ADGRE2: variants seen among roughly 807,000 people sequenced by gnomAD.
The protein encoded by ADGRE2 is CD97 antigen.
A neutral mutation model predicts 100.8 loss-of-function variants in ADGRE2; 83 were observed. That is an observed-to-expected ratio of 0.82 (90% CI 0.69 to 0.99). The LOEUF (loss-of-function observed/expected upper bound fraction) is 0.99, where lower values mean the gene tolerates loss of function less well. Ranked by LOEUF, ADGRE2 falls within the 50% of genes least tolerant of loss-of-function variation. The probability of loss-of-function intolerance (pLI) is 0.00; values close to 1 mark genes in which losing one functional copy is unlikely to be tolerated. For synonymous variants in ADGRE2, 355 were observed against 413.0 expected, an observed-to-expected ratio of 0.86 and a Z score of 1.70; for missense variants, 814 against 1,035.7, an observed-to-expected ratio of 0.79 and a Z score of 2.94.
chr19:14,777,845 T>C (rs2044491524), intron 1 of ADGRE2, among the ~76,000 whole-genome samples: 1 of 152,206 alleles, frequency 6.6e-6, no homozygotes. Flanking sequence ...TATAGCTGCA[T>C]AGTATTCCCT....
In ADGRE2 at chr19:14,772,342, C is replaced by T; in HGVS notation, c.355G>A (p.Asp119Asn). The T allele has an allele frequency of 6.2e-7, 1 of 1,614,100 alleles. No individual in the cohort carries two copies. Among genetic ancestry groups the T allele is most frequent in the Non-Finnish European group, 8.5e-7 (1 of 1,180,026 alleles). Residue 119 changes from aspartate to asparagine, a missense_variant and splice_region_variant, in exon 5 of 21, where the codon GAT becomes AAT. Physicochemically the swap from Asp to Asn is conservative, Grantham distance 23. Around this residue, in one of 5 missense-constraint regions of ADGRE2, gnomAD observed 143 missense variants for 160.3 expected, o/e 0.89. Transcript: ENST00000315576. ...FKNESENTCQ[D>N]VDECQQNPRL... ...ATGGAGGATGTGGGGTGGTTCTTAC[C>T]TTGACACGTGTTCTCGCTCTCATTC...
chr19:14,766,165 G>C, intron 7 of ADGRE2, 70 bp downstream of exon 7: 1 of 1,610,734 alleles, frequency 6.2e-7, no homozygotes, highest in Non-Finnish European at 8.5e-7. Flanking sequence ...TGCTTGGTTT[G>C]TGTGGGCGCC....
chr19:14,764,269 A>G (rs1460018299), intron 11 of ADGRE2, among the ~76,000 whole-genome samples, 164 bp downstream of exon 11: 1 of 151,592 alleles, frequency 6.6e-6, no homozygotes, highest in East Asian at 1.9e-4. Context: ...GAGTATTGCC[A>G]TCTTGTCCAG....
chr19:14,728,126 T>C (rs1422617584), downstream of ADGRE2, among the ~76,000 whole-genome samples: 2 of 152,076 alleles, frequency 1.3e-5, no homozygotes, highest in Non-Finnish European at 2.9e-5. Context: ...GGCAGGAGAA[T>C]GGCGTGAGCC....
intron 14 of ADGRE2, 122 bp downstream of exon 14, chr19:14,754,832 A>C: frequency 9.1e-7 from 1 of 1,093,854 alleles, no homozygotes; most frequent in South Asian, 1.6e-5. Context: ...CCATCTTGCT[A>C]TGCCAGCTTG....
At chr19:14,744,477 A>G (rs2043026523) in intron 18 of ADGRE2, among the ~76,000 whole-genome samples, 1 of 151,906 alleles carries the variant, frequency 6.6e-6, no homozygotes, top group Non-Finnish European at 1.5e-5. Context: ...TTTTTTTGAG[A>G]TGGAATCTCC....
chr19:14,751,543 G>A lies in ADGRE2; in HGVS notation c.1917C>T (p.Ile639=), dbSNP rs1267836119. ...RNLTVVNYSS[I]NRFMKKLMFP... ...ACATGAGCTTCTTCATGAATCTGTT[G>A]ATGCTTGAGTAGTTGACCACCGTCA... Residue 639 remains isoleucine, a synonymous_variant, in exon 16 of 21, where the codon ATC becomes ATT. Transcript: ENST00000315576. The A allele has an allele frequency of 6.2e-7, 1 of 1,613,970 alleles. No homozygotes were observed. Among genetic ancestry groups the A allele is most frequent in the Admixed American group, 1.7e-5 (1 of 59,978 alleles).
intron 16 of ADGRE2, among the ~76,000 whole-genome samples, chr19:14,748,994 T>G (rs2043177684): frequency 6.6e-6 from 1 of 151,998 alleles, no homozygotes. Flanking sequence ...TAATCATCCA[T>G]CAATGTAATA....
chr19:14,777,738 T>C (rs1016732255), intron 1 of ADGRE2, among the ~76,000 whole-genome samples: 4 of 139,842 alleles, frequency 2.9e-5, no homozygotes, highest in African/African-American at 1.1e-4. Flanking sequence ...AGTGAGAACA[T>C]GTGGTGTTTG....
rs755527843 is a variant in ADGRE2 at position 14,751,698 on chromosome 19, A to T, written c.1789-27T>A. ...TGGCGGAGAAGTAAAAGACGCCCAG[A>T]GCGGCGATCAGATTTGAGTGTGGCC... On this transcript the variant is annotated intron_variant, in intron 15 of 20. Coordinates refer to ENST00000315576, the MANE Select transcript of ADGRE2 (RefSeq NM_013447.4). 3 of 1,574,790 alleles carry T rather than the reference A, an allele frequency of 1.9e-6. No individual in the cohort carries two copies. In the East Asian group the frequency reaches 6.7e-5, roughly 35 times the overall value.
At chr19:14,747,027 T>G (rs907856253) in intron 16 of ADGRE2, 65 bp from the exon 17 acceptor site, 1 of 1,361,290 alleles carries the variant, frequency 7.3e-7, no homozygotes, top group Non-Finnish European at 1.0e-6. Flanking sequence ...TATGTAAATC[T>G]ATTCCATCCC....
At chr19:14,770,181 A>G (rs1481011698) in intron 5 of ADGRE2, among the ~76,000 whole-genome samples, 1 of 150,792 alleles carries the variant, frequency 6.6e-6, no homozygotes. Context: ...CCTCATGAAC[A>G]TCTCGGTGCT....
chr19:14,771,896 C>T (rs1033100012), intron 5 of ADGRE2: 1 of 159,220 alleles, frequency 6.3e-6, no homozygotes, highest in African/African-American at 2.4e-5. Flanking sequence ...GCCTCGGCCT[C>T]CCAAAGTGCT....
At chr19:14,762,892 T>C (rs2043780307) in intron 11 of ADGRE2, among the ~76,000 whole-genome samples, 1 of 152,016 alleles carries the variant, frequency 6.6e-6, no homozygotes, top group Non-Finnish European at 1.5e-5. Context: ...GATCCACCCA[T>C]TTCAGCCTCC....
the ADGRE2 span, among the ~76,000 whole-genome samples, chr19:14,727,193 A>G: frequency 2.0e-5 from 3 of 151,950 alleles, no homozygotes; most frequent in African/African-American, 4.8e-5. Context: ...ACGCCTGGCT[A>G]ATTTTTTTGT....
chr19:14,776,976 GCACACACACACA>G (rs58154734), intron 1 of ADGRE2, 49 bp from the exon 2 acceptor site: 43 of 1,026,054 alleles, frequency 4.2e-5, no homozygotes, highest in Middle Eastern at 4.0e-4. Flanking sequence ...CAGGGGCGCT[GCACACACACACA>G]CACACACACA....
At chr19:14,765,227 G>A (rs2043910279) in intron 10 of ADGRE2, 93 bp downstream of exon 10, 1 of 1,362,596 alleles carries the variant, frequency 7.3e-7, no homozygotes, top group Non-Finnish European at 1.0e-6. Context: ...ACTGCATTGG[G>A]TCCTGTCCCC....
Position 14,743,508 on chromosome 19 carries a change from C to A in ADGRE2, c.2375G>T (p.Trp792Leu), listed in dbSNP as rs761872578. 3.1e-6 allele frequency: 5 copies of A among 1,614,020 alleles called. No individual in the cohort carries two copies. The highest frequency in any genetic ancestry group is 2.2e-5 in the South Asian group (2 of 91,086). Residue 792 changes from tryptophan to leucine, a missense_variant, in exon 20 of 21, where the codon TGG becomes TTG. Transcript: ENST00000315576. ...TTTCAATTTCCTGATCCCTTTGGACCATTTCCCATATTGCTCCCGGACCTG... is the reference window on the plus strand; with the variant it reads ...TTTCAATTTCCTGATCCCTTTGGACAATTTCCCATATTGCTCCCGGACCTG... ...SQQVREQYGK[W>L]SKGIRKLKTE...
intron 16 of ADGRE2, among the ~76,000 whole-genome samples, chr19:14,748,725 A>C (rs2043169690): frequency 6.6e-6 from 1 of 152,194 alleles, no homozygotes; most frequent in South Asian, 2.1e-4. Flanking sequence ...TTGGAGGATT[A>C]GTGTTAATAG....
Sources: allele counts gnomAD v4.1 joint callset (sites outside exome capture counted in the v4.1 genomes callset), GRCh38; gene constraint gnomAD v4.1.1; regional missense constraint gnomAD v4.1.1; transcripts MANE v1.5; gene names NCBI Gene and HGNC (gene_info 2026-07-23, HGNC 2026-07-21).